PXDNL: variants seen among roughly 807,000 people sequenced by gnomAD.
PXDNL encodes the protein probable oxidoreductase PXDNL.
A neutral mutation model predicts 150.8 loss-of-function variants in PXDNL; 145 were observed. The observed-to-expected ratio is 0.96, with a 90% CI of 0.84 to 1.10. The LOEUF is 1.10. Ranked by LOEUF, PXDNL falls within the 50% of genes least tolerant of loss-of-function variation. PXDNL has a pLI of 0.00. For missense variants in PXDNL, 2,087 were observed against 1,873.9 expected (o/e 1.11, Z -2.10); for synonymous variants, 757 against 725.7 (o/e 1.04, Z -0.69).
In PXDNL at chr8:51,329,309, A is replaced by T. The variant is rs1033856992; in HGVS notation, c.4147-8412T>A. On this transcript the variant is annotated intron_variant, in intron 21 of 22. Coordinates refer to ENST00000356297, the MANE Select transcript of PXDNL (RefSeq NM_144651.5). The stretch of plus-strand genomic sequence containing the variant: ...AGGAAGAATACATAAGAAAGGCCAA[A>T]GTCAGTAGGAAAAACAAAAACAAAG... Among the ~76,000 whole-genome samples the T allele has an allele frequency of 3.3e-5, 5 of 152,352 alleles. No homozygotes were observed. The East Asian group carries it at 9.6e-4, about 29-fold the overall frequency.
chr8:51,792,647 T>C (rs779625945), intron 1 of PXDNL, among the ~76,000 whole-genome samples: 1 of 152,112 alleles, frequency 6.6e-6, no homozygotes, highest in African/African-American at 2.4e-5. Flanking sequence ...CCCCTGCTGG[T>C]GCTGGGGAGA....
chr8:51,474,282 A>G (rs748887719), intron 7 of PXDNL, among the ~76,000 whole-genome samples: 6 of 152,204 alleles, frequency 3.9e-5, no homozygotes. Flanking sequence ...TTCTATTTAA[A>G]CCGAAATATA....
intron 14 of PXDNL, among the ~76,000 whole-genome samples, chr8:51,420,763 A>T (rs1808927732): frequency 6.6e-6 from 1 of 152,186 alleles, no homozygotes; most frequent in Non-Finnish European, 1.5e-5. Context: ...TGATCTTGAC[A>T]CTGCAACATC....
chr8:51,788,006 T>A (rs1187565086), intron 1 of PXDNL, among the ~76,000 whole-genome samples: 1 of 152,226 alleles, frequency 6.6e-6, no homozygotes, highest in African/African-American at 2.4e-5. Flanking sequence ...AAGGCTCCAA[T>A]GATCATCAGC....
intron 1 of PXDNL, among the ~76,000 whole-genome samples, chr8:51,659,317 G>T (rs1345403316): frequency 6.6e-6 from 1 of 152,150 alleles, no homozygotes; most frequent in African/African-American, 2.4e-5. Flanking sequence ...TGCTGGGAGG[G>T]TTAGACAAGT....
At chr8:51,563,983 T>G (rs1223114494) in intron 3 of PXDNL, among the ~76,000 whole-genome samples, 1 of 151,994 alleles carries the variant, frequency 6.6e-6, no homozygotes. Flanking sequence ...AGTTGGAAAG[T>G]CATTTCTATA....
At chr8:51,806,122 G>A (rs748573893) in intron 1 of PXDNL, among the ~76,000 whole-genome samples, 25 of 152,052 alleles carry the variant, frequency 1.6e-4, no homozygotes, top group Admixed American at 3.3e-4. Flanking sequence ...GGACAGTTTT[G>A]CATTTTTCTA....
chr8:51,456,267 C>G (rs1026649144), intron 9 of PXDNL, among the ~76,000 whole-genome samples: 3 of 152,226 alleles, frequency 2.0e-5, no homozygotes, highest in African/African-American at 7.2e-5. Context: ...AGCCTCTCCT[C>G]TGTATGCTCC....
chr8:51,428,807 T>TA (rs1809177185), intron 12 of PXDNL, among the ~76,000 whole-genome samples: 1 of 151,826 alleles, frequency 6.6e-6, no homozygotes, highest in African/African-American at 2.4e-5. Context: ...TGACTTTGCA[T>TA]AAAAAATTGA....
At chr8:51,529,311 C>T (rs1222761378) in intron 4 of PXDNL, among the ~76,000 whole-genome samples, 2 of 152,168 alleles carry the variant, frequency 1.3e-5, no homozygotes, top group African/African-American at 2.4e-5. Context: ...GGGCTTCTGC[C>T]TCCATGTTTG....
chr8:51,796,004 T>C (rs547594111), intron 1 of PXDNL, among the ~76,000 whole-genome samples: 14 of 152,344 alleles, frequency 9.2e-5, no homozygotes, highest in South Asian at 4.1e-4. Context: ...CACATTCCTT[T>C]GTACTCACTT....
At chr8:51,636,537 C>A (rs1370397298) in intron 2 of PXDNL, among the ~76,000 whole-genome samples, 1 of 152,028 alleles carries the variant, frequency 6.6e-6, no homozygotes, top group Non-Finnish European at 1.5e-5. Flanking sequence ...CTGCTGTGTT[C>A]TGTACATAAG....
chr8:51,663,236 A>C (rs1356973234), intron 1 of PXDNL, among the ~76,000 whole-genome samples: 10 of 152,204 alleles, frequency 6.6e-5, no homozygotes, highest in Non-Finnish European at 1.5e-4. Flanking sequence ...GCCTGCGCTT[A>C]AATGTGTTGT....
chr8:51,461,437 G>A (rs1176191730), intron 8 of PXDNL, among the ~76,000 whole-genome samples: 2 of 152,242 alleles, frequency 1.3e-5, no homozygotes, highest in African/African-American at 4.8e-5. Context: ...AGCAGATGGA[G>A]TAAGCTAGAG....
chr8:51,797,794 T>C (rs1462346651), intron 1 of PXDNL, among the ~76,000 whole-genome samples: 1 of 152,174 alleles, frequency 6.6e-6, no homozygotes, highest in Admixed American at 6.5e-5. Flanking sequence ...AAACTACCAC[T>C]GACATTCTTC....
At chr8:51,368,742 TCA>T (rs1434114348) in intron 19 of PXDNL, among the ~76,000 whole-genome samples, 6 of 152,152 alleles carry the variant, frequency 3.9e-5, no homozygotes, top group African/African-American at 1.4e-4. Context: ...ACACCTGTAA[TCA>T]CAGCAATTTG....
intron 17 of PXDNL, among the ~76,000 whole-genome samples, chr8:51,398,734 A>T (rs908324554): frequency 6.6e-6 from 1 of 152,204 alleles, no homozygotes; most frequent in Non-Finnish European, 1.5e-5. Context: ...ACAGTAATTG[A>T]TATGCATTTA....
At chr8:51,567,251 T>C (rs1812847841) in intron 3 of PXDNL, among the ~76,000 whole-genome samples, 1 of 151,804 alleles carries the variant, frequency 6.6e-6, no homozygotes, top group Non-Finnish European at 1.5e-5. Context: ...TGTATTTCTG[T>C]TGTCACTGGG....
chr8:51,322,696 C>G (rs1389712569), intron 21 of PXDNL, among the ~76,000 whole-genome samples: 2 of 152,088 alleles, frequency 1.3e-5, no homozygotes, highest in East Asian at 1.9e-4. Context: ...AGAGGAGAAC[C>G]CAAAAAATCA....
Sources: allele counts gnomAD v4.1 joint callset (sites outside exome capture counted in the v4.1 genomes callset), GRCh38; gene constraint gnomAD v4.1.1; transcripts MANE v1.5; gene names NCBI Gene and HGNC (gene_info 2026-07-23, HGNC 2026-07-21).